The following AGBL1 variants were observed in gnomAD, a reference collection of about 807,000 sequenced individuals.
AGBL1 encodes cytosolic carboxypeptidase 4.
AGBL1 carries 130 observed loss-of-function variants against 118.9 expected under a neutral mutation model. That is an observed-to-expected ratio of 1.09 (90% CI 0.95 to 1.26). The LOEUF (loss-of-function observed/expected upper bound fraction) is 1.26. Among genes scored for constraint, AGBL1 ranks in the 50% most tolerant of loss-of-function variants. The pLI is 0.00. For synonymous variants in AGBL1, 555 were observed against 478.9 expected (o/e 1.16, Z -2.08); for missense variants, 1,584 against 1,298.1 (o/e 1.22, Z -3.38).
chr15:86,919,223 G>GAT (rs2080460119), downstream of AGBL1, among the ~76,000 whole-genome samples: 1 of 152,060 alleles, frequency 6.6e-6, no homozygotes, highest in African/African-American at 2.4e-5. Context: ...TAAGTGAGTG[G>GAT]CCCCTTCAAC....
intron 5 of AGBL1, among the ~76,000 whole-genome samples, chr15:86,195,632 A>C (rs959400421): frequency 9.2e-5 from 14 of 152,266 alleles, no homozygotes; most frequent in Admixed American, 4.6e-4. Context: ...TTTGACTCCA[A>C]ATCTGGTGGG....
At chr15:86,958,977 A>T (rs1271179849) in intron 23 of AGBL1, among the ~76,000 whole-genome samples, 4 of 152,278 alleles carry the variant, frequency 2.6e-5, no homozygotes, top group Middle Eastern at 3.4e-3. Flanking sequence ...ATGTTAAAAC[A>T]CTCAGAAACA....
chr15:86,992,400 A>G (rs2081343495), intron 24 of AGBL1, among the ~76,000 whole-genome samples: 1 of 152,238 alleles, frequency 6.6e-6, no homozygotes, highest in South Asian at 2.1e-4. Flanking sequence ...ATGCAAAAAT[A>G]CATTCCCATT....
chr15:86,338,754 G>A (rs757650875), intron 17 of AGBL1, among the ~76,000 whole-genome samples: 5 of 152,126 alleles, frequency 3.3e-5, no homozygotes, highest in African/African-American at 9.7e-5. Flanking sequence ...CAGGAAAACC[G>A]GTGTAGAGAC....
intron 22 of AGBL1, among the ~76,000 whole-genome samples, chr15:86,827,320 C>T (rs1311087549): frequency 0.03 from 178 of 5,858 alleles, 8 homozygotes; most frequent in Middle Eastern, 0.1. Flanking sequence ...TATATATACA[C>T]ACACATATAT....
chr15:86,536,869 C>T (rs2083434045), intron 19 of AGBL1, among the ~76,000 whole-genome samples: 2 of 152,144 alleles, frequency 1.3e-5, no homozygotes, highest in South Asian at 4.1e-4. Context: ...AGGCTGCTCT[C>T]CGTGAAGGCC....
chr15:86,560,655 A>T (rs1490612278), intron 21 of AGBL1, among the ~76,000 whole-genome samples: 2 of 152,354 alleles, frequency 1.3e-5, no homozygotes, highest in South Asian at 4.1e-4. Context: ...TTATATACCC[A>T]GTAATGGGAT....
rs74355078 is a variant in AGBL1, at chr15:86,205,013, A to G, written c.489-19901A>G. The stretch of plus-strand genomic sequence containing the variant: ...AAATTTATAGTGATATGAATCTACC[A>G]TTATAGTATCATACAGAGTAATTTC... On this transcript the variant is annotated intron_variant, in intron 5 of 22. Transcript: ENST00000614907. Among the ~76,000 whole-genome samples, 1,318 of 152,296 alleles carry G rather than the reference A, an allele frequency of 8.7e-3. 16 individuals are homozygous for G. Among genetic ancestry groups the G allele is most frequent in the African/African-American group, 0.031 (1,276 of 41,568 alleles).
chr15:86,864,101 G>GT (rs2079594502), intron 22 of AGBL1, among the ~76,000 whole-genome samples: 1 of 152,126 alleles, frequency 6.6e-6, no homozygotes, highest in African/African-American at 2.4e-5. Context: ...CATAAAAACA[G>GT]AAGCCAAAAC....
At chr15:86,777,637 A>G (rs1329214551) in intron 22 of AGBL1, among the ~76,000 whole-genome samples, 1 of 152,124 alleles carries the variant, frequency 6.6e-6, no homozygotes, top group Non-Finnish European at 1.5e-5. Context: ...TATTTATAAC[A>G]TTTCTTTTTA....
intron 1 of AGBL1, among the ~76,000 whole-genome samples, chr15:86,094,267 G>T (rs2141474452): frequency 6.6e-6 from 1 of 152,200 alleles, no homozygotes; most frequent in East Asian, 1.9e-4. Context: ...TACTCTATTT[G>T]ATTTCTTACA....
intron 24 of AGBL1, among the ~76,000 whole-genome samples, chr15:86,992,872 C>CTAGTCA (rs947441296): frequency 1.3e-5 from 2 of 152,148 alleles, no homozygotes; most frequent in Non-Finnish European, 2.9e-5. Flanking sequence ...CCATTGTTAT[C>CTAGTCA]TAGTCATAGT....
intron 21 of AGBL1, among the ~76,000 whole-genome samples, chr15:86,669,195 G>A (rs1046636762): frequency 9.9e-5 from 15 of 152,076 alleles, no homozygotes; most frequent in African/African-American, 3.1e-4. Flanking sequence ...ACTACTGTAC[G>A]ATGCCCAGAA....
chr15:86,440,906 C>T (rs1479266967), intron 18 of AGBL1, among the ~76,000 whole-genome samples: 1 of 152,190 alleles, frequency 6.6e-6, no homozygotes, highest in Non-Finnish European at 1.5e-5. Context: ...GAATCAGAAT[C>T]AGGCATAGGA....
chr15:86,127,568 A>G (rs988897861), intron 1 of AGBL1, among the ~76,000 whole-genome samples: 1 of 152,206 alleles, frequency 6.6e-6, no homozygotes, highest in Non-Finnish European at 1.5e-5. Flanking sequence ...CACGTGGGAA[A>G]TCATACCTCT....
At chr15:86,583,385 C>CCACT (rs1308197146) in intron 21 of AGBL1, among the ~76,000 whole-genome samples, 1 of 152,054 alleles carries the variant, frequency 6.6e-6, no homozygotes, top group African/African-American at 2.4e-5. Flanking sequence ...ATATTTTTAT[C>CCACT]TATATGTACC....
At chr15:86,169,212 C>A (rs2120645) in intron 5 of AGBL1, among the ~76,000 whole-genome samples, 3,598 of 152,198 alleles carry the variant, frequency 0.024, 63 homozygotes, top group East Asian at 0.07. Context: ...AGGACAGAGT[C>A]CTAGAAAGAA....
intron 18 of AGBL1, among the ~76,000 whole-genome samples, chr15:86,507,212 C>G (rs2082988456): frequency 6.6e-6 from 1 of 152,124 alleles, no homozygotes; most frequent in South Asian, 2.1e-4. Context: ...TTTGAAGGAG[C>G]TAGACCACTG....
chr15:87,006,037 C>T (rs1307904418), intron 24 of AGBL1, among the ~76,000 whole-genome samples: 1 of 152,202 alleles, frequency 6.6e-6, no homozygotes, highest in Non-Finnish European at 1.5e-5. Context: ...AAGTTGCTGT[C>T]TGATCTTTCC....
Sources: gnomAD v4.1 joint callset for allele counts (sites outside exome capture counted in the v4.1 genomes callset) on GRCh38, gnomAD v4.1.1 for gene constraint, MANE v1.5 for transcripts, NCBI Gene and HGNC (gene_info 2026-07-23, HGNC 2026-07-21) for gene names.